Variants in VPS13D observed in about 807,000 individuals in gnomAD.
VPS13D encodes vacuolar protein sorting 13 homolog D, also known as intermembrane lipid transfer protein VPS13D.
In VPS13D, 187 loss-of-function variants were observed where a neutral mutation model predicts 461.9. The ratio of observed to expected loss-of-function variants is 0.40; its 90% confidence interval spans 0.36 to 0.46. VPS13D has a LOEUF of 0.46. Ranked by LOEUF, VPS13D falls within the 20% of genes least tolerant of loss-of-function variation. VPS13D has a pLI of 0.60. For synonymous variants in VPS13D, 1,951 were observed against 1,986.3 expected, an observed-to-expected ratio of 0.98 and a Z score of 0.47; for missense variants, 4,711 against 5,364.9, an observed-to-expected ratio of 0.88 and a Z score of 3.81.
chr1:12,348,065 C>T (rs1643714777), intron 44 of VPS13D, among the ~76,000 whole-genome samples: 1 of 152,052 alleles, frequency 6.6e-6, no homozygotes, highest in Non-Finnish European at 1.5e-5. Context: ...GTAGACATGT[C>T]AACAAATAAT....
chr1:12,290,614 C>G (rs574304828), intron 22 of VPS13D, among the ~76,000 whole-genome samples: 35 of 151,738 alleles, frequency 2.3e-4, no homozygotes, highest in African/African-American at 8.5e-4. Context: ...CCCAGCTACT[C>G]GGCGGGGCTG....
Position 12,511,394 on chromosome 1 carries a change from G to T in VPS13D, c.*2370G>T, listed in dbSNP as rs1220529549. The T allele has an allele frequency of 6.6e-6, 1 of 152,120 alleles. No homozygotes were observed. The highest frequency in any genetic ancestry group is 2.1e-4 in the South Asian group (1 of 4,828). 9.4% of individuals were successfully genotyped at this position (152,120 alleles called of 1,614,324 possible). The stretch of plus-strand genomic sequence containing the variant: ...CAGACAAGGCCAGAAGGTTTCAGGG[G>T]CATTTGACATCCCCTCCTGGTTCTC... On this transcript the variant is annotated 3_prime_UTR_variant, in exon 70 of 70. Coordinates refer to ENST00000620676, the MANE Select transcript of VPS13D (RefSeq NM_015378.4). This position sits in a 1 kb window ranked among gnomAD's most constrained non-coding sequence, Gnocchi z 4.5.
At chr1:12,479,729 A>G (rs911408079) in intron 67 of VPS13D, among the ~76,000 whole-genome samples, 1 of 152,140 alleles carries the variant, frequency 6.6e-6, no homozygotes, top group African/African-American at 2.4e-5. Flanking sequence ...CATGATTTCA[A>G]TCCAAAGCAT....
chr1:12,325,140 A>G (rs1238836529), intron 35 of VPS13D, among the ~76,000 whole-genome samples: 5 of 151,886 alleles, frequency 3.3e-5, no homozygotes, highest in South Asian at 4.2e-4. Context: ...CTGGAATGCA[A>G]TCATAGCTGT....
chr1:12,268,897 G>T (rs1641352932), intron 16 of VPS13D, 21 bp downstream of exon 16: 3 of 1,599,608 alleles, frequency 1.9e-6, no homozygotes, highest in South Asian at 2.3e-5. Context: ...TTGTTTGTTT[G>T]ATCTTATGTT....
chr1:12,325,579 T>C (rs989016609), intron 35 of VPS13D, among the ~76,000 whole-genome samples: 7 of 152,194 alleles, frequency 4.6e-5, no homozygotes, highest in Non-Finnish European at 1.0e-4. Flanking sequence ...CTCTACCTAC[T>C]GTGGACAGTA....
intron 42 of VPS13D, among the ~76,000 whole-genome samples, chr1:12,344,303 A>C (rs1048726486): frequency 6.6e-6 from 1 of 152,052 alleles, no homozygotes; most frequent in Non-Finnish European, 1.5e-5. Context: ...CCTGAGTGTA[A>C]ACTTGCTCCC....
intron 63 of VPS13D, among the ~76,000 whole-genome samples, chr1:12,406,787 T>A (rs2101692858): frequency 6.6e-6 from 1 of 152,320 alleles, no homozygotes; most frequent in Middle Eastern, 3.4e-3. Flanking sequence ...TGGCTTTTTT[T>A]AAAGATCAAA....
At chr1:12,451,716 C>T (rs1285526317) in intron 65 of VPS13D, among the ~76,000 whole-genome samples, 2 of 152,244 alleles carry the variant, frequency 1.3e-5, no homozygotes, top group African/African-American at 2.4e-5. Context: ...TGCCCTGCTG[C>T]AGATAGCTTC....
At chr1:12,415,925 T>C (rs1160554588) in intron 64 of VPS13D, among the ~76,000 whole-genome samples, 1 of 152,004 alleles carries the variant, frequency 6.6e-6, no homozygotes, top group Non-Finnish European at 1.5e-5. Flanking sequence ...ACACCTGTAA[T>C]CCGAGTACTT....
rs1646114627 is a variant in VPS13D at position 12,506,798 on chromosome 1, CT to C, written c.12795-54del. 4.4e-6 allele frequency: 7 copies of C among 1,586,932 alleles called. No homozygotes were observed. The Admixed American group carries it at 6.8e-5, about 15-fold the overall frequency. On this transcript the variant is annotated intron_variant, in intron 68 of 69. Coordinates refer to ENST00000620676, the MANE Select transcript of VPS13D (RefSeq NM_015378.4). ...CACAGAGCCCGCAGTGGGCCTCCCCCTGATGCTGGGCGAAGCCCCAGGTGTC... is the reference window on the plus strand; with the variant it reads ...CACAGAGCCCGCAGTGGGCCTCCCCCGATGCTGGGCGAAGCCCCAGGTGTC...
intron 46 of VPS13D, among the ~76,000 whole-genome samples, chr1:12,351,301 T>G (rs1471737630): frequency 6.6e-6 from 1 of 152,184 alleles, no homozygotes; most frequent in Non-Finnish European, 1.5e-5. Flanking sequence ...TTTTTCTTGT[T>G]TTTTTTGAGG....
chr1:12,328,175 G>A (rs1227945777), intron 36 of VPS13D, among the ~76,000 whole-genome samples: 4 of 151,852 alleles, frequency 2.6e-5, no homozygotes, highest in Non-Finnish European at 5.9e-5. Context: ...ATACTGCTAG[G>A]CATTTAACAG....
chr1:12,345,266 A>G, intron 42 of VPS13D, 108 bp from the exon 43 acceptor site: 5 of 1,348,054 alleles, frequency 3.7e-6, no homozygotes, highest in South Asian at 3.2e-5. Flanking sequence ...GGTTTAGCCA[A>G]CTGGGTTTTT....
chr1:12,298,036 A>C (rs1008627978), intron 24 of VPS13D, among the ~76,000 whole-genome samples: 1 of 152,222 alleles, frequency 6.6e-6, no homozygotes, highest in Non-Finnish European at 1.5e-5. Flanking sequence ...CTGTGTGTAC[A>C]GGAAAAAAAG....
At chr1:12,447,284 T>C (rs754903608) in intron 65 of VPS13D, among the ~76,000 whole-genome samples, 2 of 152,224 alleles carry the variant, frequency 1.3e-5, no homozygotes, top group Non-Finnish European at 2.9e-5. Context: ...CTCTCTAGGT[T>C]ACCCAGTATC....
intron 65 of VPS13D, among the ~76,000 whole-genome samples, chr1:12,421,108 TCA>T (rs1184862632): frequency 2.6e-5 from 4 of 152,238 alleles, no homozygotes; most frequent in African/African-American, 4.8e-5. Context: ...CCCTTTTATC[TCA>T]GTTATTTCTC....
Position 12,261,967 on chromosome 1 carries a change from A to AT in VPS13D, c.1482dup (p.Val495CysfsTer28). 6.2e-7 allele frequency: 1 copy of AT among 1,614,196 alleles called. No individual in the cohort carries two copies. The highest frequency in any genetic ancestry group is 2.2e-5 in the East Asian group (1 of 44,892). On this transcript the variant is annotated frameshift_variant, in exon 13 of 70. Coordinates refer to ENST00000620676, the MANE Select transcript of VPS13D (RefSeq NM_015378.4). LOFTEE classifies it high-confidence loss of function. ...ATGAACACGTATACAAAGCGAGATC[A>AT]TGTCTTTGCCAAACTGAATTTGCAG...
At chr1:12,341,932 C>G in intron 41 of VPS13D, 47 bp downstream of exon 41, 2 of 1,585,658 alleles carry the variant, frequency 1.3e-6, no homozygotes, top group Non-Finnish European at 1.7e-6. Context: ...GCCACCAAAG[C>G]CTTCTTGTGC....
Sources: gnomAD v4.1 joint callset for allele counts (sites outside exome capture counted in the v4.1 genomes callset) on GRCh38, gnomAD v4.1.1 for gene constraint, Gnocchi (gnomAD v3.1) non-coding constraint, MANE v1.5 for transcripts, NCBI Gene and HGNC (gene_info 2026-07-23, HGNC 2026-07-21) for gene names.